GLRA3: variants seen among roughly 807,000 people sequenced by gnomAD.
GLRA3 encodes the protein glycine receptor subunit alpha-3.
In GLRA3, 44 loss-of-function variants were observed where a neutral mutation model predicts 60.4. That is an observed-to-expected ratio of 0.73 (90% CI 0.57 to 0.94). The LOEUF (loss-of-function observed/expected upper bound fraction) is 0.94, where lower values mean the gene tolerates loss of function less well. Among genes scored for constraint, GLRA3 ranks in the 40% least tolerant of loss-of-function variants. The pLI, the probability that GLRA3 is intolerant of heterozygous loss-of-function variation, is 0.00. For missense variants in GLRA3, 508 were observed against 564.6 expected (o/e 0.90, Z 1.02); for synonymous variants, 223 against 192.9 (o/e 1.16, Z -1.29).
rs906349209 is a variant in GLRA3 at position 174,638,731 on chromosome 4, C to T, written c.*5055G>A. ...GCTTGTGTAAGTTCACACGAATTCT[C>T]TCACTTCTGGAATTTTTTCAATCAT... On this transcript the variant is annotated 3_prime_UTR_variant, in exon 10 of 10. Coordinates refer to ENST00000274093, the MANE Select transcript of GLRA3 (RefSeq NM_006529.4). The T allele has an allele frequency of 1.2e-4, 18 of 152,204 alleles. No individual in the cohort carries two copies. The highest frequency in any genetic ancestry group is 3.9e-4 in the African/African-American group (16 of 41,452). 9.4% of individuals were successfully genotyped at this position (152,204 alleles called of 1,614,324 possible).
intron 5 of GLRA3, among the ~76,000 whole-genome samples, chr4:174,692,503 G>A (rs2111016780): frequency 6.6e-6 from 1 of 150,628 alleles, no homozygotes; most frequent in Middle Eastern, 3.4e-3. Context: ...AGAAAGGGGG[G>A]AAAGGTGGGG....
chr4:174,791,325 C>A (rs1739338295), intron 1 of GLRA3, among the ~76,000 whole-genome samples: 1 of 152,148 alleles, frequency 6.6e-6, no homozygotes, highest in African/African-American at 2.4e-5. Context: ...GGAATGGATT[C>A]TTCCCCAGAG....
At chr4:174,783,511 C>G (rs1325975729) in intron 2 of GLRA3, among the ~76,000 whole-genome samples, 4 of 139,006 alleles carry the variant, frequency 2.9e-5, no homozygotes. Flanking sequence ...GCAAAAGAAA[C>G]TACCATCAGA....
intron 3 of GLRA3, among the ~76,000 whole-genome samples, chr4:174,736,776 A>C: frequency 6.6e-6 from 1 of 152,188 alleles, no homozygotes; most frequent in East Asian, 1.9e-4. Flanking sequence ...ATGTATATGT[A>C]CATGTATAAG....
chr4:174,741,067 C>T lies in GLRA3; in HGVS notation c.268-12369G>A, dbSNP rs77425606. ...GTGTATGGGATTTTATGTAAGCATA[C>T]GTGTTTGTTTCTCGTAAGTAAATAT... On this transcript the variant is annotated intron_variant, in intron 3 of 9. Coordinates refer to ENST00000274093, the MANE Select transcript of GLRA3 (RefSeq NM_006529.4). 9.3e-3 allele frequency among the ~76,000 whole-genome samples: 1,418 copies of T among 152,172 alleles called. 21 individuals are homozygous for T. Among genetic ancestry groups the T allele is most frequent in the African/African-American group, 0.032 (1,342 of 41,538 alleles).
At chr4:174,644,628 T>G (rs1015619355) in intron 9 of GLRA3, among the ~76,000 whole-genome samples, 1 of 152,196 alleles carries the variant, frequency 6.6e-6, no homozygotes, top group African/African-American at 2.4e-5. Flanking sequence ...CTAACCTTTT[T>G]GGAATACTTA....
At chr4:174,711,542 C>T (rs1326393298) in intron 5 of GLRA3, among the ~76,000 whole-genome samples, 5 of 151,562 alleles carry the variant, frequency 3.3e-5, no homozygotes, top group Admixed American at 6.6e-5. Context: ...CGGGTTCAAG[C>T]GATTCTCCAG....
At chr4:174,696,268 T>TATAAAC (rs1299394444) in intron 5 of GLRA3, among the ~76,000 whole-genome samples, 3 of 151,752 alleles carry the variant, frequency 2.0e-5, no homozygotes, top group African/African-American at 7.2e-5. Flanking sequence ...GTATTTAAAA[T>TATAAAC]ATAAACATAA....
chr4:174,770,088 GTTCATGATT>G (rs1292031565), intron 2 of GLRA3, among the ~76,000 whole-genome samples: 2 of 151,956 alleles, frequency 1.3e-5, no homozygotes, highest in Non-Finnish European at 2.9e-5. Flanking sequence ...TTGATTACTG[GTTCATGATT>G]TTCATCTTAA....
Position 174,691,603 on chromosome 4 carries a change from G to A in GLRA3, c.575-8664C>T, listed in dbSNP as rs551306625. ...GAGACGGGGTTTCGCTGTGTTGGCT[G>A]GGCTGGTCTCCAGCTCGTAACCGCG... On this transcript the variant is annotated intron_variant, in intron 5 of 9. Coordinates refer to ENST00000274093, the MANE Select transcript of GLRA3 (RefSeq NM_006529.4). 6.5e-3 allele frequency among the ~76,000 whole-genome samples: 983 copies of A among 152,306 alleles called. 12 individuals are homozygous for A. Among genetic ancestry groups the A allele is most frequent in the African/African-American group, 0.022 (934 of 41,576 alleles).
At chr4:174,712,528 T>C (rs192440393) in intron 5 of GLRA3, 4 of 152,322 alleles carry the variant, frequency 2.6e-5, no homozygotes, top group Admixed American at 1.3e-4. Context: ...CATTGACATA[T>C]ATTTATTGAA....
Position 174,682,875 on chromosome 4 carries a change from T to C in GLRA3, c.639A>G (p.Glu213=). Residue 213 remains glutamate (E), a synonymous_variant, in exon 6 of 10, where the codon GAA becomes GAG. Transcript: ENST00000274093. ...ACAGAAACTGGGGCAAAGTGAGTCC[T>C]TCTGCCACTTGTACGGGTGCCTCAT... ...WQDEAPVQVA[E]GLTLPQFLLK... 7 of 1,612,112 alleles carry C rather than the reference T, an allele frequency of 4.3e-6. No individual in the cohort carries two copies. The highest frequency in any genetic ancestry group is 5.9e-6 in the Non-Finnish European group (7 of 1,178,120).
intron 3 of GLRA3, among the ~76,000 whole-genome samples, chr4:174,764,572 A>G (rs911387099): frequency 6.6e-6 from 1 of 151,890 alleles, no homozygotes; most frequent in African/African-American, 2.4e-5. Context: ...AAAAAAGAAC[A>G]GAAGTAAACT....
At chr4:174,749,335 G>C (rs573727362) in intron 3 of GLRA3, among the ~76,000 whole-genome samples, 1 of 152,214 alleles carries the variant, frequency 6.6e-6, no homozygotes, top group South Asian at 2.1e-4. Flanking sequence ...GGCTGGCATG[G>C]TTTCTGTTAC....
Position 174,642,555 on chromosome 4 carries a change from A to C in GLRA3, c.*1231T>G, listed in dbSNP as rs1162350232. ...TTACACTGCAAAAAACAAGTTACTAATGCTCTGTTTTTGTTGAAGTAATCC... is the reference window on the plus strand; with the variant it reads ...TTACACTGCAAAAAACAAGTTACTACTGCTCTGTTTTTGTTGAAGTAATCC... On this transcript the variant is annotated 3_prime_UTR_variant, in exon 10 of 10. Coordinates refer to ENST00000274093, the MANE Select transcript of GLRA3 (RefSeq NM_006529.4). 8 of 976,734 alleles carry C rather than the reference A, an allele frequency of 8.2e-6. No homozygotes were observed. In the Admixed American group the frequency reaches 4.9e-4, roughly 60 times the overall value. 60.5% of individuals were successfully genotyped at this position (976,734 alleles called of 1,614,324 possible).
chr4:174,792,938 C>T (rs1474122951), intron 1 of GLRA3, among the ~76,000 whole-genome samples: 2 of 152,160 alleles, frequency 1.3e-5, no homozygotes, highest in East Asian at 1.9e-4. Flanking sequence ...TTTACGTTGT[C>T]ACCACGGAGC....
At chr4:174,663,396 C>T (rs546148419) in intron 7 of GLRA3, among the ~76,000 whole-genome samples, 9 of 152,238 alleles carry the variant, frequency 5.9e-5, no homozygotes, top group Admixed American at 3.3e-4. Flanking sequence ...TATTCCTGAA[C>T]GAATATGACT....
intron 7 of GLRA3, among the ~76,000 whole-genome samples, chr4:174,661,984 G>C (rs1733465243): frequency 6.6e-6 from 1 of 152,182 alleles, no homozygotes; most frequent in Non-Finnish European, 1.5e-5. Flanking sequence ...TTAAGCAACT[G>C]TTTTCATACT....
At chr4:174,808,309 G>A (rs186013059) in intron 1 of GLRA3, among the ~76,000 whole-genome samples, 1 of 152,090 alleles carries the variant, frequency 6.6e-6, no homozygotes, top group Admixed American at 6.6e-5. Flanking sequence ...GATCCCAGAG[G>A]ATTATAATGA....
Sources: allele counts gnomAD v4.1 joint callset (sites outside exome capture counted in the v4.1 genomes callset), GRCh38; gene constraint gnomAD v4.1.1; transcripts MANE v1.5; gene names NCBI Gene and HGNC (gene_info 2026-07-23, HGNC 2026-07-21).